The following ANKRD6 variants were observed in gnomAD, a reference collection of about 807,000 sequenced individuals.
ANKRD6 encodes ankyrin repeat domain-containing protein 6.
A neutral mutation model predicts 82.3 loss-of-function variants in ANKRD6; 56 were observed. The ratio of observed to expected loss-of-function variants is 0.68; its 90% confidence interval spans 0.55 to 0.85. ANKRD6 has a LOEUF of 0.85. ANKRD6 is among the 40% of genes least tolerant of loss of function. ANKRD6 has a pLI of 0.00. For synonymous variants in ANKRD6, 347 were observed against 352.1 expected (o/e 0.99, Z 0.16); for missense variants, 852 against 907.6 (o/e 0.94, Z 0.79).
intron 8 of ANKRD6, among the ~76,000 whole-genome samples, chr6:89,617,373 T>G (rs1365868554): frequency 6.6e-6 from 1 of 152,238 alleles, no homozygotes; most frequent in African/African-American, 2.4e-5. Context: ...AGTTCCATGA[T>G]GCCTTGAATA....
intron 7 of ANKRD6, 141 bp from the exon 8 acceptor site, chr6:89,616,418 C>G (rs1422172776): frequency 2.8e-5 from 19 of 682,240 alleles, no homozygotes; most frequent in Non-Finnish European, 4.6e-5. Context: ...AGCCTCATAA[C>G]GCTTTAACAA....
At chr6:89,436,370 T>C (rs1410426048) in intron 1 of ANKRD6, among the ~76,000 whole-genome samples, 1 of 152,224 alleles carries the variant, frequency 6.6e-6, no homozygotes, top group African/African-American at 2.4e-5. Flanking sequence ...TAACATGATC[T>C]ACTGTTGAAA....
chr6:89,459,826 T>G (rs1451174510), intron 1 of ANKRD6, among the ~76,000 whole-genome samples: 1 of 152,108 alleles, frequency 6.6e-6, no homozygotes, highest in Non-Finnish European at 1.5e-5. Context: ...ATTTAAACAT[T>G]ATGACAGTTA....
intron 2 of ANKRD6, among the ~76,000 whole-genome samples, chr6:89,577,572 A>G (rs1312054569): frequency 1.3e-5 from 2 of 152,178 alleles, no homozygotes; most frequent in African/African-American, 4.8e-5. Flanking sequence ...GAGAGCCTCT[A>G]GGAGTCCCCA....
intron 1 of ANKRD6, among the ~76,000 whole-genome samples, chr6:89,496,180 C>CT (rs904391071): frequency 4.0e-5 from 6 of 151,610 alleles, no homozygotes; most frequent in African/African-American, 1.5e-4. Flanking sequence ...CACACTGCCC[C>CT]CCCCCCCACC....
At chr6:89,603,226 G>T in intron 4 of ANKRD6, 99 bp downstream of exon 4, 1 of 944,888 alleles carries the variant, frequency 1.1e-6, no homozygotes, top group Non-Finnish European at 1.6e-6. Context: ...AGTCCTCGAG[G>T]TATTATAATT....
intron 1 of ANKRD6, among the ~76,000 whole-genome samples, chr6:89,471,291 G>A (rs1775421783): frequency 6.7e-6 from 1 of 149,974 alleles, no homozygotes; most frequent in Non-Finnish European, 1.5e-5. Context: ...GGTGGAGGTT[G>A]CCTGGATTGC....
chr6:89,623,532 G>T lies in ANKRD6; in HGVS notation c.1020G>T (p.Lys340Asn). 1.3e-6 allele frequency: 2 copies of T among 1,584,606 alleles called. No individual in the cohort carries two copies. Among genetic ancestry groups the T allele is most frequent in the Non-Finnish European group, 1.7e-6 (2 of 1,165,358 alleles). ...EPRAKDDRRRKSRPKVSAFSD... is the reference protein window; with the variant it reads ...EPRAKDDRRRNSRPKVSAFSD... The stretch of plus-strand genomic sequence containing the variant: ...GAGCAAAGGATGACAGGAGGAGAAA[G>T]TCAAGGCCCAAGGTCAGGAGACACA... Residue 340 changes from lysine to asparagine, a missense_variant, in exon 11 of 16, where the codon AAG becomes AAT. Physicochemically the swap from Lys to Asn is moderately conservative, Grantham distance 94 (BLOSUM62 0). Coordinates refer to ENST00000339746, the MANE Select transcript of ANKRD6 (RefSeq NM_001242809.2).
At chr6:89,543,836 T>G (rs945129608) in intron 1 of ANKRD6, among the ~76,000 whole-genome samples, 2 of 152,224 alleles carry the variant, frequency 1.3e-5, no homozygotes, top group African/African-American at 4.8e-5. Flanking sequence ...AGATCCTTTG[T>G]GGTCAAAGAA....
intron 3 of ANKRD6, among the ~76,000 whole-genome samples, chr6:89,600,175 T>C (rs901032455): frequency 6.6e-6 from 1 of 152,140 alleles, no homozygotes; most frequent in African/African-American, 2.4e-5. Context: ...AGCTAGAGTT[T>C]CACAAAGGAA....
intron 1 of ANKRD6, among the ~76,000 whole-genome samples, chr6:89,516,665 CG>C (rs1319114074): frequency 1.3e-5 from 2 of 152,098 alleles, no homozygotes; most frequent in African/African-American, 2.4e-5. Context: ...TTAGTAGAGA[CG>C]GGGTTTTGCC....
At chr6:89,618,168 G>A (rs760833364) in intron 9 of ANKRD6, 137 bp downstream of exon 9, 3 of 941,782 alleles carry the variant, frequency 3.2e-6, no homozygotes, top group Non-Finnish European at 5.2e-6. Context: ...GTATAGGCAT[G>A]CATGGGGGCC....
At chr6:89,593,401 G>A (rs1440154894) in intron 2 of ANKRD6, among the ~76,000 whole-genome samples, 1 of 152,256 alleles carries the variant, frequency 6.6e-6, no homozygotes, top group African/African-American at 2.4e-5. Flanking sequence ...TTCATTGGAA[G>A]AATCGAGGTT....
In ANKRD6 at chr6:89,542,682, C is replaced by A. The variant is rs186727934; in HGVS notation, c.-143-24152C>A. On this transcript the variant is annotated intron_variant, in intron 1 of 15. Coordinates refer to ENST00000339746, the MANE Select transcript of ANKRD6 (RefSeq NM_001242809.2). Reference sequence around the variant, plus strand: ...TTTGCAAAACACGGTGAAGACAAGTCGGGGTTAAAGTAGAGTAGGACGTTG... The same window carrying A: ...TTTGCAAAACACGGTGAAGACAAGTAGGGGTTAAAGTAGAGTAGGACGTTG... Among the ~76,000 whole-genome samples, 262 of 152,292 alleles carry A rather than the reference C, an allele frequency of 1.7e-3. 1 individual carries two copies. The highest frequency in any genetic ancestry group is 6.1e-3 in the African/African-American group (252 of 41,568).
chr6:89,528,386 G>A (rs980862370), intron 1 of ANKRD6, among the ~76,000 whole-genome samples: 7 of 152,202 alleles, frequency 4.6e-5, no homozygotes, highest in Non-Finnish European at 7.3e-5. Context: ...TTGCTCATCC[G>A]TAAGAAGGAA....
At chr6:89,575,934 T>C (rs1327346117) in intron 2 of ANKRD6, among the ~76,000 whole-genome samples, 1 of 152,208 alleles carries the variant, frequency 6.6e-6, no homozygotes, top group Admixed American at 6.5e-5. Context: ...AGAACATGTC[T>C]TCAGAGCAAG....
chr6:89,527,618 A>G (rs1327963430), intron 1 of ANKRD6, among the ~76,000 whole-genome samples: 12 of 151,192 alleles, frequency 7.9e-5, no homozygotes, highest in African/African-American at 2.2e-4. Flanking sequence ...AAAAAAAAAA[A>G]AAAAAAAAGA....
chr6:89,484,588 C>G (rs1380282593), intron 1 of ANKRD6, among the ~76,000 whole-genome samples: 1 of 152,202 alleles, frequency 6.6e-6, no homozygotes, highest in East Asian at 1.9e-4. Context: ...TCAGATCTCT[C>G]TGTCTTTGGT....
chr6:89,620,855 G>C (rs1438192480), intron 9 of ANKRD6, among the ~76,000 whole-genome samples: 1 of 152,128 alleles, frequency 6.6e-6, no homozygotes, highest in African/African-American at 2.4e-5. Context: ...CATGAGGTCA[G>C]GAGATCAAAA....
Sources: allele counts gnomAD v4.1 joint callset (sites outside exome capture counted in the v4.1 genomes callset), GRCh38; gene constraint gnomAD v4.1.1; transcripts MANE v1.5; gene names NCBI Gene and HGNC (gene_info 2026-07-23, HGNC 2026-07-21).